Variants in FNDC3A observed in about 807,000 individuals in gnomAD.
FNDC3A encodes the protein fibronectin type-III domain-containing protein 3A.
A neutral mutation model predicts 148.9 loss-of-function variants in FNDC3A; 32 were observed. The observed-to-expected ratio is 0.21, with a 90% CI of 0.16 to 0.29. The LOEUF (loss-of-function observed/expected upper bound fraction) is 0.29, where lower values mean the gene tolerates loss of function less well. FNDC3A is among the 10% of genes least tolerant of loss of function. FNDC3A has a pLI of 1.00. For synonymous variants in FNDC3A, 472 were observed against 473.6 expected (o/e 1.00, Z 0.04); for missense variants, 1,191 against 1,452.8 (o/e 0.82, Z 2.93).
In FNDC3A at chr13:49,118,245, A is replaced by C. The variant is rs1301238345; in HGVS notation, c.252+3514A>C. ...TGGGGCATCGCCTCACCCAGGAAGC[A>C]AAAGGGGTCGGGGAGCTCCCTCCCC... On this transcript the variant is annotated intron_variant, in intron 4 of 25. Transcript: ENST00000492622. 2.0e-5 allele frequency among the ~76,000 whole-genome samples: 3 copies of C among 152,174 alleles called. No individual in the cohort carries two copies. The East Asian group carries it at 5.8e-4, about 29-fold the overall frequency.
chr13:49,154,071 T>C (rs2137994947), intron 8 of FNDC3A, among the ~76,000 whole-genome samples: 1 of 119,588 alleles, frequency 8.4e-6, no homozygotes, highest in South Asian at 3.1e-4. Flanking sequence ...CATTGGTAGC[T>C]TGATGGGGAT....
At chr13:49,134,841 CT>C (rs1168216037) in intron 5 of FNDC3A, among the ~76,000 whole-genome samples, 8 of 2,634 alleles carry the variant, frequency 3.0e-3, no homozygotes, top group African/African-American at 0.011. Context: ...GAGTTTCACT[CT>C]TTTTTTTTTT....
At chr13:48,986,586 C>T (rs142974040) in intron 1 of FNDC3A, among the ~76,000 whole-genome samples, 2 of 151,548 alleles carry the variant, frequency 1.3e-5, no homozygotes, top group East Asian at 1.9e-4. Context: ...TTAGTGGAAA[C>T]GGGGTTTCAC....
rs1424671152 is a variant in FNDC3A at position 49,185,903 on chromosome 13, A to T, written c.1618-61A>T. 21 of 1,322,444 alleles carry T rather than the reference A, an allele frequency of 1.6e-5. No individual in the cohort carries two copies. The Admixed American group carries it at 3.3e-4, about 21-fold the overall frequency. The allele number at this position is 1,322,444 out of a possible 1,614,324, so 81.9% of individuals were successfully genotyped here. On this transcript the variant is annotated intron_variant, in intron 14 of 25. Transcript: ENST00000492622. ...CTGTTTGTCTCCTATCACTTTGTTT[A>T]TTAAGCCAGTATCATTAGGTATCAA...
At chr13:49,015,029 G>C (rs1033179140) in intron 2 of FNDC3A, among the ~76,000 whole-genome samples, 51 of 152,200 alleles carry the variant, frequency 3.4e-4, no homozygotes, top group African/African-American at 1.0e-3. Context: ...AAGTCAGGTA[G>C]CGTGATGCCT....
At chr13:49,186,168 G>C in intron 15 of FNDC3A, 66 bp downstream of exon 15, 1 of 1,326,204 alleles carries the variant, frequency 7.5e-7, no homozygotes, top group Non-Finnish European at 1.1e-6. Flanking sequence ...TGAATATGAA[G>C]ATAATTTTTA....
chr13:49,137,989 T>C (rs1289002409), intron 6 of FNDC3A, among the ~76,000 whole-genome samples: 4 of 152,206 alleles, frequency 2.6e-5, no homozygotes, highest in African/African-American at 9.6e-5. Context: ...CACAACTCTA[T>C]CAGTCCTTGA....
At chr13:49,121,709 A>G (rs1410677731) in intron 4 of FNDC3A, among the ~76,000 whole-genome samples, 2 of 152,224 alleles carry the variant, frequency 1.3e-5, no homozygotes, top group Non-Finnish European at 2.9e-5. Context: ...ATCAGGGAAT[A>G]CTATAAACAC....
At chr13:49,134,183 C>G (rs938416509) in intron 5 of FNDC3A, among the ~76,000 whole-genome samples, 2 of 152,234 alleles carry the variant, frequency 1.3e-5, no homozygotes, top group Admixed American at 6.5e-5. Context: ...TCCCAACTCT[C>G]TGTTCCTTCA....
At chr13:49,092,794 A>AATGTATATAT (rs1879272670) in intron 3 of FNDC3A, among the ~76,000 whole-genome samples, 1 of 150,406 alleles carries the variant, frequency 6.6e-6, no homozygotes, top group African/African-American at 2.4e-5. Context: ...AATTTCTTGT[A>AATGTATATAT]ATATATATAT....
chr13:49,085,791 C>G (rs982156461), intron 3 of FNDC3A, among the ~76,000 whole-genome samples: 1 of 151,762 alleles, frequency 6.6e-6, no homozygotes, highest in African/African-American at 2.4e-5. Context: ...TAAAAGAAAA[C>G]AGAGTTTAGC....
At position 48,986,385 on chromosome 13, in the gene FNDC3A, G is replaced by GTTTTTTTT. The variant is rs869031197; in HGVS notation, c.-40+10229_-40+10236dup. 6.4e-3 allele frequency among the ~76,000 whole-genome samples: 350 copies of GTTTTTTTT among 54,420 alleles called. 113 individuals carry two copies. Among genetic ancestry groups the GTTTTTTTT allele is most frequent in the South Asian group, 0.021 (25 of 1,214 alleles). The allele number at this position is 54,420 out of a possible 152,430, so 35.7% of individuals were successfully genotyped here. A position where few individuals can be genotyped will look rare whatever the true frequency, so the allele number is the denominator to read the frequency against. On this transcript the variant is annotated intron_variant, in intron 1 of 25. Transcript: ENST00000492622. ...AAGACAGAGTAAGGAGAAGGAAGTT[G>GTTTTTTTT]TTTTTTTTTTTTTTTTTTTTTTTTT...
At chr13:49,109,214 G>T (rs766575261) in intron 3 of FNDC3A, among the ~76,000 whole-genome samples, 3 of 152,106 alleles carry the variant, frequency 2.0e-5, no homozygotes, top group Non-Finnish European at 4.4e-5. Flanking sequence ...TGAAAACATG[G>T]TGATCATACT....
At chr13:49,032,393 A>T (rs1874184923) in intron 2 of FNDC3A, among the ~76,000 whole-genome samples, 1 of 152,240 alleles carries the variant, frequency 6.6e-6, no homozygotes, top group South Asian at 2.1e-4. Flanking sequence ...CAACAGAGAA[A>T]TGGATAAACA....
chr13:49,167,442 T>G (rs1436685539), intron 9 of FNDC3A, 139 bp downstream of exon 9: 1 of 565,520 alleles, frequency 1.8e-6, no homozygotes, highest in African/African-American at 1.9e-5. Context: ...CTGGGCGCAG[T>G]GCGCCCGTAA....
At chr13:49,206,930 T>TG in intron 25 of FNDC3A, 151 bp from the exon 26 acceptor site, 1 of 621,410 alleles carries the variant, frequency 1.6e-6, no homozygotes, top group Non-Finnish European at 2.8e-6. Context: ...AGTACTTTAA[T>TG]GGACAGGTAT....
chr13:48,979,889 A>G (rs981940858), intron 1 of FNDC3A, among the ~76,000 whole-genome samples: 2 of 152,154 alleles, frequency 1.3e-5, no homozygotes, highest in African/African-American at 4.8e-5. Context: ...GAGCCAAACA[A>G]AAACAAGCCA....
rs144670228 is a variant in FNDC3A, at chr13:49,055,492, C to T, written c.100-19797C>T. 7.7e-3 allele frequency among the ~76,000 whole-genome samples: 1,165 copies of T among 152,228 alleles called. 20 individuals carry two copies. Among genetic ancestry groups the T allele is most frequent in the African/African-American group, 0.027 (1,103 of 41,524 alleles). ...TTAGGGGAAGCCAACCAGCATTTAA[C>T]ATCAACACAGACCTTAAATTTGATA... On this transcript the variant is annotated intron_variant, in intron 2 of 25. Coordinates refer to ENST00000492622, the MANE Select transcript of FNDC3A (RefSeq NM_001079673.2).
intron 8 of FNDC3A, among the ~76,000 whole-genome samples, chr13:49,166,613 A>G (rs375225621): frequency 6.6e-6 from 1 of 152,208 alleles, no homozygotes; most frequent in East Asian, 1.9e-4. Flanking sequence ...GGTCTTTCCC[A>G]TGACTAGAAT....
Sources: gnomAD v4.1 joint callset for allele counts (sites outside exome capture counted in the v4.1 genomes callset) on GRCh38, gnomAD v4.1.1 for gene constraint, MANE v1.5 for transcripts, NCBI Gene and HGNC (gene_info 2026-07-23, HGNC 2026-07-21) for gene names.